Variants in CLCN1 observed in about 807,000 individuals in gnomAD.
CLCN1 encodes chloride channel protein 1.
In CLCN1, 100 loss-of-function variants were observed where a neutral mutation model predicts 114.5. That is an observed-to-expected ratio of 0.87 (90% CI 0.74 to 1.03). The LOEUF (loss-of-function observed/expected upper bound fraction) is 1.03, where lower values mean the gene tolerates loss of function less well. Ranked by LOEUF, CLCN1 falls within the 50% of genes least tolerant of loss-of-function variation. The pLI is 0.00. For missense variants in CLCN1, 1,188 were observed against 1,250.0 expected, an observed-to-expected ratio of 0.95 and a Z score of 0.75; for synonymous variants, 485 against 487.1, an observed-to-expected ratio of 1.00 and a Z score of 0.06.
chr7:143,340,423 A>G (rs763949032), intron 14 of CLCN1, among the ~76,000 whole-genome samples: 3 of 152,182 alleles, frequency 2.0e-5, no homozygotes, highest in Non-Finnish European at 4.4e-5. Flanking sequence ...AGTATGTTAT[A>G]TGCAATATCC....
At position 143,321,490 on chromosome 7, in the gene CLCN1, G is replaced by A. The variant is rs764969054; in HGVS notation, c.559G>A (p.Val187Ile). The part of the protein sequence containing the change: ...LFCHLISPQA[V>I]GSGIPEMKTI... ...CTGCCACCTCATCTCTCCCCAGGCT[G>A]TTGGTGAGAACTTGCCACCAGACTC... Residue 187 changes from valine (V) to isoleucine (I), a missense_variant, in exon 4 of 23, where the codon GTT (valine) becomes ATT (isoleucine). By Grantham distance (29) the Val-to-Ile change is conservative. Transcript: ENST00000343257. This position sits in a 1 kb window ranked among gnomAD's most constrained non-coding sequence, Gnocchi z 4.2. 15 of 1,614,080 alleles carry A rather than the reference G, an allele frequency of 9.3e-6. No homozygotes were observed. Among genetic ancestry groups the A allele is most frequent in the Non-Finnish European group, 1.2e-5 (14 of 1,180,036 alleles).
chr7:143,349,397 G>C (rs536992818), intron 20 of CLCN1, among the ~76,000 whole-genome samples: 1 of 152,190 alleles, frequency 6.6e-6, no homozygotes, highest in Non-Finnish European at 1.5e-5. Context: ...ATGCCCTTTG[G>C]TGATATTCTC....
chr7:143,342,347 C>T (rs775995396), intron 15 of CLCN1, 25 bp from the exon 16 acceptor site: 1 of 1,613,790 alleles, frequency 6.2e-7, no homozygotes, highest in African/African-American at 1.3e-5. Flanking sequence ...GTGGGGCTAA[C>T]CCACCATGCT....
chr7:143,342,391 G>A lies in CLCN1; in HGVS notation c.1816G>A (p.Glu606Lys), dbSNP rs192307423. 1 of 1,614,124 alleles carries A rather than the reference G, an allele frequency of 6.2e-7. No individual in the cohort carries two copies. The highest frequency in any genetic ancestry group is 8.5e-7 in the Non-Finnish European group (1 of 1,179,996). ...CCATAGCAAATATACCATCTTTGTT[G>A]AGGACATCATGGTACGTGATGTGAA... is the stretch of plus-strand genomic sequence containing the variant. The part of the protein sequence containing the change: ...NQLSKYTIFV[E>K]DIMVRDVKFV... The change falls in exon 16 of 23, where the codon GAG becomes AAG. Residue 606 changes from glutamate to lysine, a missense_variant. Physicochemically the swap from Glu to Lys is moderately conservative, Grantham distance 56. Coordinates refer to ENST00000343257, the MANE Select transcript of CLCN1 (RefSeq NM_000083.3).
rs368445765 is a variant in CLCN1, at chr7:143,346,936, T to C, written c.2390T>C (p.Met797Thr). The change falls in exon 20 of 23, where the codon ATG becomes ACG. Residue 797 changes from methionine to threonine, a missense_variant. Physicochemically the swap from Met to Thr is moderately conservative, Grantham distance 81. Transcript: ENST00000343257. ...TQDSTDLVDN[M>T]SPEEIEAWEQ... Reference sequence around the variant, plus strand: ...GATTCCACAGATTTAGTGGATAACATGTCACCTGAAGAGGTGAGTAAGGGA... The same window carrying C: ...GATTCCACAGATTTAGTGGATAACACGTCACCTGAAGAGGTGAGTAAGGGA... 1.6e-5 allele frequency: 26 copies of C among 1,613,712 alleles called. No individual in the cohort carries two copies. The highest frequency in any genetic ancestry group is 1.9e-5 in the Non-Finnish European group (23 of 1,179,702).
At chr7:143,323,091 A>C (rs1586487439) in intron 5 of CLCN1, among the ~76,000 whole-genome samples, 1 of 149,852 alleles carries the variant, frequency 6.7e-6, no homozygotes. Flanking sequence ...GTGCCCTCCC[A>C]CCCTCCTCCA....
intron 19 of CLCN1, 74 bp from the exon 20 acceptor site, chr7:143,346,837 A>T (rs370770384): frequency 7.0e-7 from 1 of 1,438,124 alleles, no homozygotes; most frequent in Non-Finnish European, 9.8e-7. Flanking sequence ...AGGGATGGCT[A>T]TTGTTTCATT....
Position 143,321,903 on chromosome 7 carries a change from G to A in CLCN1, c.696+55G>A. 9 of 1,594,516 alleles carry A rather than the reference G, an allele frequency of 5.6e-6. No individual in the cohort carries two copies. Among genetic ancestry groups the A allele is most frequent in the South Asian group, 1.1e-5 (1 of 89,356 alleles). ...GGGAGGGGCCCTCAGGAGCCAGGGT[G>A]GCACCAACTCTAGAGGGAGCTCTGG... On this transcript the variant is annotated intron_variant, in intron 5 of 22. Transcript: ENST00000343257. The surrounding 1 kb of genome is among the most constrained non-coding windows in gnomAD (Gnocchi z 4.2).
intron 7 of CLCN1, among the ~76,000 whole-genome samples, chr7:143,326,883 C>A (rs1241636610): frequency 6.6e-6 from 1 of 152,140 alleles, no homozygotes; most frequent in Non-Finnish European, 1.5e-5. Flanking sequence ...TTTACTAGAT[C>A]TAATGTGTAA....
rs753216578 is a variant in CLCN1 at position 143,345,674 on chromosome 7, A to G, written c.2084A>G (p.Glu695Gly). Residue 695 changes from glutamate (E) to glycine (G), a missense_variant, in exon 17 of 23, where the codon GAG becomes GGG. Glu to Gly is a moderately conservative substitution (Grantham distance 98). Transcript: ENST00000343257. ...GACGGGAAGGCGCGGCTGGCTGGGG[A>G]GGGGCTCCCCGGCGCGCCTCCAGGC... ...PYDGKARLAG[E>G]GLPGAPPGRP... 1.3e-6 allele frequency: 2 copies of G among 1,562,196 alleles called. No individual in the cohort carries two copies. The highest frequency in any genetic ancestry group is 1.2e-5 in the South Asian group (1 of 85,020).
intron 14 of CLCN1, among the ~76,000 whole-genome samples, chr7:143,340,875 T>C (rs1480704998): frequency 6.6e-6 from 1 of 152,156 alleles, no homozygotes; most frequent in Non-Finnish European, 1.5e-5. Flanking sequence ...TCCTCTACAT[T>C]TTCCCCATAG....
At chr7:143,347,837 A>G (rs1803298158) in intron 20 of CLCN1, among the ~76,000 whole-genome samples, 1 of 152,106 alleles carries the variant, frequency 6.6e-6, no homozygotes. Flanking sequence ...CAAATCTTCA[A>G]GAGAGAAAAA....
Position 143,328,549 on chromosome 7 carries a change from C to T in CLCN1, c.854-2223C>T, listed in dbSNP as rs1037793384. ...TAGGGAAAGTGTCCCAGAACCACGT[C>T]GTAGGAAAGAAAACCTAGCCCAGGA... On this transcript the variant is annotated intron_variant, in intron 7 of 22. Transcript: ENST00000343257. Among the ~76,000 whole-genome samples the T allele has an allele frequency of 5.9e-5, 9 of 152,210 alleles. No homozygotes were observed. The East Asian group carries it at 1.2e-3, about 20-fold the overall frequency.
chr7:143,334,276 T>C lies in CLCN1; in HGVS notation c.1401+1403T>C, dbSNP rs141248416. On this transcript the variant is annotated intron_variant, in intron 12 of 22. Coordinates refer to ENST00000343257, the MANE Select transcript of CLCN1 (RefSeq NM_000083.3). ...TTGTGATGATTATCTTTTTTACTAA[T>C]AGTATGTCTTGCCTAAATAACACAA... Among the ~76,000 whole-genome samples, 359 of 152,322 alleles carry C rather than the reference T, an allele frequency of 2.4e-3. 2 individuals carry two copies. Among genetic ancestry groups the C allele is most frequent in the African/African-American group, 8.2e-3 (340 of 41,574 alleles).
In CLCN1 at chr7:143,321,673, A is replaced by G; in HGVS notation, c.563-42A>G. 1.2e-6 allele frequency: 2 copies of G among 1,613,238 alleles called. No homozygotes were observed. The highest frequency in any genetic ancestry group is 2.2e-5 in the South Asian group (2 of 91,014). ...ATTCTGGACATTCATCTCCCTTTTCACCTTCACCTTGACCCTGCACATAAT... is the reference window on the plus strand; with the variant it reads ...ATTCTGGACATTCATCTCCCTTTTCGCCTTCACCTTGACCCTGCACATAAT... On this transcript the variant is annotated intron_variant, in intron 4 of 22. Coordinates refer to ENST00000343257, the MANE Select transcript of CLCN1 (RefSeq NM_000083.3). The surrounding 1 kb of genome is among the most constrained non-coding windows in gnomAD (Gnocchi z 4.2).
chr7:143,325,194 G>GA (rs1370557049), intron 7 of CLCN1, among the ~76,000 whole-genome samples: 1 of 152,206 alleles, frequency 6.6e-6, no homozygotes, highest in Non-Finnish European at 1.5e-5. Flanking sequence ...AGCAGGGCAG[G>GA]ATTATATAGA....
At chr7:143,341,828 G>A in intron 14 of CLCN1, 101 bp from the exon 15 acceptor site, 1 of 896,462 alleles carries the variant, frequency 1.1e-6, no homozygotes, top group Admixed American at 2.0e-5. Context: ...ACTGACCAGG[G>A]TCATGTCTCT....
chr7:143,337,710 GT>G (rs1450010073), intron 12 of CLCN1, among the ~76,000 whole-genome samples: 2 of 144,412 alleles, frequency 1.4e-5, no homozygotes, highest in African/African-American at 5.1e-5. Flanking sequence ...ATATAAACCT[GT>G]TGCTTTGCTT....
rs1264226445 is a variant in CLCN1, at chr7:143,330,872, G to T, written c.954G>T (p.Val318=). 1.9e-6 allele frequency: 3 copies of T among 1,614,224 alleles called. No homozygotes were observed. The highest frequency in any genetic ancestry group is 1.7e-5 in the Admixed American group (1 of 60,018). Residue 318 remains valine, a synonymous_variant, in exon 8 of 23, where the codon GTG becomes GTT. Coordinates refer to ENST00000343257, the MANE Select transcript of CLCN1 (RefSeq NM_000083.3). The part of the protein sequence containing the change: ...AATFSAFVFR[V]LAVWNKDAVT... ...CGTTCAGCGCCTTTGTGTTTCGAGTGCTGGCAGTGTGGAACAAGGATGCTG... is the reference window on the plus strand; with the variant it reads ...CGTTCAGCGCCTTTGTGTTTCGAGTTCTGGCAGTGTGGAACAAGGATGCTG...
Sources: allele counts gnomAD v4.1 joint callset (sites outside exome capture counted in the v4.1 genomes callset), GRCh38; gene constraint gnomAD v4.1.1; non-coding constraint Gnocchi (gnomAD v3.1); transcripts MANE v1.5; gene names NCBI Gene and HGNC (gene_info 2026-07-23, HGNC 2026-07-21).